The following CNTN3 variants were observed in gnomAD, a reference collection of about 807,000 sequenced individuals.
CNTN3 encodes the protein contactin 3, also known as contactin-3.
CNTN3 carries 60 observed loss-of-function variants against 119.1 expected under a neutral mutation model. The ratio of observed to expected loss-of-function variants is 0.50; its 90% CI spans 0.41 to 0.62. The LOEUF is 0.62. Ranked by LOEUF, CNTN3 falls within the 20% of genes least tolerant of loss-of-function variation. The pLI is 0.00. For missense variants in CNTN3, 1,101 were observed against 1,242.4 expected (o/e 0.89, Z 1.71); for synonymous variants, 450 against 438.7 (o/e 1.03, Z -0.32).
At chr3:74,572,682 T>A (rs1460739175) in intron 1 of CNTN3, among the ~76,000 whole-genome samples, 2 of 152,218 alleles carry the variant, frequency 1.3e-5, no homozygotes, top group African/African-American at 4.8e-5. Context: ...ACTTTTGGAT[T>A]TTATTAAATA....
chr3:74,576,645 T>C (rs542009400), intron 1 of CNTN3, among the ~76,000 whole-genome samples: 4 of 152,234 alleles, frequency 2.6e-5, no homozygotes, highest in Admixed American at 6.5e-5. Flanking sequence ...AAATTTTTTC[T>C]ATTATTTGGA....
chr3:74,355,313 G>A (rs1703910617), intron 11 of CNTN3, among the ~76,000 whole-genome samples: 2 of 152,010 alleles, frequency 1.3e-5, no homozygotes, highest in South Asian at 4.1e-4. Flanking sequence ...AACTCCTCAA[G>A]GCTTCACTTC....
intron 5 of CNTN3, among the ~76,000 whole-genome samples, chr3:74,398,454 G>C (rs936893386): frequency 6.6e-6 from 1 of 152,158 alleles, no homozygotes; most frequent in African/African-American, 2.4e-5. Flanking sequence ...TTGTTTTTTA[G>C]TCATAATGCA....
chr3:74,567,936 T>C (rs992951494), intron 1 of CNTN3, among the ~76,000 whole-genome samples: 4 of 152,186 alleles, frequency 2.6e-5, no homozygotes, highest in Non-Finnish European at 5.9e-5. Context: ...AGCAAGATTT[T>C]AACAATTCCC....
chr3:74,282,035 T>A (rs1215730047), intron 20 of CNTN3, among the ~76,000 whole-genome samples: 6 of 152,218 alleles, frequency 3.9e-5, no homozygotes, highest in Admixed American at 2.6e-4. Context: ...ATGCAACTTA[T>A]CATTTTTAAG....
intron 17 of CNTN3, among the ~76,000 whole-genome samples, chr3:74,299,252 T>G (rs1702405753): frequency 6.6e-6 from 1 of 152,144 alleles, no homozygotes; most frequent in Non-Finnish European, 1.5e-5. Flanking sequence ...AAAGCTATAC[T>G]TGAGTCGTGT....
chr3:74,435,899 T>TCTCCATCCAATCCATCCAATCCATCTATC (rs1445109931), intron 4 of CNTN3, among the ~76,000 whole-genome samples: 11 of 152,250 alleles, frequency 7.2e-5, no homozygotes, highest in African/African-American at 2.4e-4. Context: ...CTGCAGCCTC[T>TCTCCATCCAATCCATCCAATCCATCTATC]CTCCTCCCAT....
chr3:74,330,067 T>C (rs1402615254), intron 13 of CNTN3, among the ~76,000 whole-genome samples: 1 of 152,116 alleles, frequency 6.6e-6, no homozygotes, highest in Non-Finnish European at 1.5e-5. Flanking sequence ...AAGATTATAA[T>C]GGAGCTGCCT....
At chr3:74,460,555 T>G (rs1702345993) in intron 4 of CNTN3, among the ~76,000 whole-genome samples, 1 of 151,674 alleles carries the variant, frequency 6.6e-6, no homozygotes, top group Admixed American at 6.6e-5. Context: ...AATTTGTAAT[T>G]GATATTGTGT....
At chr3:74,530,048 G>A (rs1703672579) in intron 1 of CNTN3, among the ~76,000 whole-genome samples, 1 of 152,034 alleles carries the variant, frequency 6.6e-6, no homozygotes, top group Admixed American at 6.6e-5. Context: ...GAAGGAGAGT[G>A]ATCTTGGGGA....
At chr3:74,591,784 T>C (rs1487358404) in intron 1 of CNTN3, among the ~76,000 whole-genome samples, 1 of 151,830 alleles carries the variant, frequency 6.6e-6, no homozygotes, top group Non-Finnish European at 1.5e-5. Flanking sequence ...AAGGATGAGT[T>C]CAGGTTCAGA....
intron 6 of CNTN3, among the ~76,000 whole-genome samples, chr3:74,370,826 A>G (rs1704316865): frequency 6.6e-6 from 1 of 152,118 alleles, no homozygotes; most frequent in African/African-American, 2.4e-5. Flanking sequence ...TAAAAACCTC[A>G]AGCTGGCAAA....
At chr3:74,536,534 T>G (rs868460393) in intron 1 of CNTN3, among the ~76,000 whole-genome samples, 6 of 152,144 alleles carry the variant, frequency 3.9e-5, no homozygotes, top group Middle Eastern at 6.8e-3. Flanking sequence ...ACAGTAGAGA[T>G]CCAACTCTGA....
At chr3:74,427,358 A>ACT in intron 4 of CNTN3, among the ~76,000 whole-genome samples, 1 of 152,192 alleles carries the variant, frequency 6.6e-6, no homozygotes, top group Non-Finnish European at 1.5e-5. Flanking sequence ...TAGCAGTCAG[A>ACT]GGGCCAGGGT....
At position 74,468,510 on chromosome 3, in the gene CNTN3, G is replaced by C. The variant is rs114887369; in HGVS notation, c.358+17946C>G. ...TTACTGAATTTCATTTCCATCAATG[G>C]GCCCATATTGATAGAGATGACCCCA... On this transcript the variant is annotated intron_variant, in intron 4 of 22. Coordinates refer to ENST00000263665, the MANE Select transcript of CNTN3 (RefSeq NM_020872.3). 3.8e-3 allele frequency among the ~76,000 whole-genome samples: 579 copies of C among 152,070 alleles called. 3 individuals carry two copies. Among genetic ancestry groups the C allele is most frequent in the Middle Eastern group, 0.01 (3 of 292 alleles).
chr3:74,333,535 C>G (rs1317294225), intron 13 of CNTN3, among the ~76,000 whole-genome samples: 1 of 152,200 alleles, frequency 6.6e-6, no homozygotes, highest in African/African-American at 2.4e-5. Context: ...GCATTCTCCT[C>G]TTTGTGTGTC....
chr3:74,613,663 C>T (rs1161233963), intron 1 of CNTN3, among the ~76,000 whole-genome samples: 2 of 152,160 alleles, frequency 1.3e-5, no homozygotes, highest in African/African-American at 4.8e-5. Flanking sequence ...GTTCATTTCA[C>T]GCGACCAGAA....
chr3:74,292,517 G>A lies in CNTN3; in HGVS notation c.2517+2604C>T, dbSNP rs1702251404. On this transcript the variant is annotated intron_variant, in intron 19 of 22. Transcript: ENST00000263665. ...GGAGGGGGAGGTTGTGGTGAGCTGAGATCATGCCACTGCACTCCAGCCTGG... is the reference window on the plus strand; with the variant it reads ...GGAGGGGGAGGTTGTGGTGAGCTGAAATCATGCCACTGCACTCCAGCCTGG... 5.9e-5 allele frequency among the ~76,000 whole-genome samples: 9 copies of A among 152,184 alleles called. No individual in the cohort carries two copies. In the South Asian group the frequency reaches 1.9e-3, roughly 32 times the overall value.
At chr3:74,440,531 A>G (rs1701946134) in intron 4 of CNTN3, among the ~76,000 whole-genome samples, 1 of 152,070 alleles carries the variant, frequency 6.6e-6, no homozygotes, top group Non-Finnish European at 1.5e-5. Flanking sequence ...GAATGTAGAG[A>G]AATGCATGTA....
Sources: allele counts gnomAD v4.1 joint callset (sites outside exome capture counted in the v4.1 genomes callset), GRCh38; gene constraint gnomAD v4.1.1; transcripts MANE v1.5; gene names NCBI Gene and HGNC (gene_info 2026-07-23, HGNC 2026-07-21).